ANKRD44: variants seen among roughly 807,000 people sequenced by gnomAD.
The protein encoded by ANKRD44 is ankyrin repeat domain 44.
ANKRD44 carries 35 observed loss-of-function variants against 116.0 expected under a neutral mutation model. The observed-to-expected ratio is 0.30, with a 90% CI of 0.23 to 0.40. The LOEUF (loss-of-function observed/expected upper bound fraction) is 0.40. Among genes scored for constraint, ANKRD44 ranks in the 10% least tolerant of loss-of-function variants. ANKRD44 has a pLI of 1.00. For synonymous variants in ANKRD44, 435 were observed against 461.8 expected (o/e 0.94, Z 0.74); for missense variants, 1,014 against 1,242.6 (o/e 0.82, Z 2.77).
intron 6 of ANKRD44, 32 bp downstream of exon 6, chr2:197,125,349 T>C (rs778837559): frequency 2.5e-6 from 4 of 1,587,514 alleles, no homozygotes; most frequent in Non-Finnish European, 3.5e-6. Context: ...TAAGGTTATC[T>C]GTACTTTGCT....
At chr2:197,132,817 C>G (rs1461383977) in intron 4 of ANKRD44, among the ~76,000 whole-genome samples, 1 of 152,020 alleles carries the variant, frequency 6.6e-6, no homozygotes, top group East Asian at 1.9e-4. Context: ...CAATTCTTTT[C>G]TAACTAGGCA....
At chr2:197,253,594 C>G (rs1446499530) in intron 1 of ANKRD44, among the ~76,000 whole-genome samples, 2 of 151,986 alleles carry the variant, frequency 1.3e-5, no homozygotes, top group East Asian at 3.8e-4. Flanking sequence ...TAAAAAGAAA[C>G]CTGTAAGAAC....
chr2:197,104,936 A>G (rs1288378292), intron 9 of ANKRD44, among the ~76,000 whole-genome samples: 1 of 152,184 alleles, frequency 6.6e-6, no homozygotes, highest in Admixed American at 6.5e-5. Flanking sequence ...TTGAAAATCA[A>G]CTTGCTGCCA....
rs2075952127 is a variant in ANKRD44, at chr2:196,993,161, A to G, written c.2923+422T>C. Among the ~76,000 whole-genome samples, 8 of 152,216 alleles carry G rather than the reference A, an allele frequency of 5.3e-5. 1 individual carries two copies. The highest frequency in any genetic ancestry group is 5.2e-4 in the Admixed American group (8 of 15,286). On this transcript the variant is annotated intron_variant, in intron 27 of 27. Transcript: ENST00000282272. ...TCTGATCTGTACTTAAAGAAAAAAA[A>G]AGTTTGATCTCAGAATGAACTTAAA... is the stretch of plus-strand genomic sequence containing the variant.
intron 16 of ANKRD44, among the ~76,000 whole-genome samples, chr2:197,066,202 C>G (rs2077429925): frequency 6.6e-6 from 1 of 152,218 alleles, no homozygotes; most frequent in East Asian, 1.9e-4. Flanking sequence ...ATGATTATCT[C>G]AATAGATGCA....
intron 19 of ANKRD44, 32 bp downstream of exon 19, chr2:197,008,910 ATG>A: frequency 1.9e-6 from 3 of 1,597,970 alleles, no homozygotes; most frequent in Non-Finnish European, 2.6e-6. Flanking sequence ...TGTGATTGAA[ATG>A]TCAACCCAAG....
intron 1 of ANKRD44, among the ~76,000 whole-genome samples, chr2:197,255,850 G>A (rs193206596): frequency 4.6e-5 from 7 of 152,346 alleles, no homozygotes; most frequent in Non-Finnish European, 7.3e-5. Flanking sequence ...AGGACCCTGC[G>A]CTTCATGTAA....
At chr2:197,024,569 G>A (rs1053819871) in intron 17 of ANKRD44, among the ~76,000 whole-genome samples, 16 of 152,220 alleles carry the variant, frequency 1.1e-4, no homozygotes, top group Non-Finnish European at 1.3e-4. Flanking sequence ...ATCACTCTGA[G>A]CTGTTGCATT....
intron 1 of ANKRD44, among the ~76,000 whole-genome samples, chr2:197,210,368 G>A (rs920903880): frequency 3.9e-5 from 6 of 152,096 alleles, no homozygotes; most frequent in African/African-American, 1.4e-4. Context: ...AACATCTTCC[G>A]TTTACAGATG....
At chr2:197,099,713 A>G (rs139129065) in intron 10 of ANKRD44, 103 bp downstream of exon 10, 1,764 of 1,504,068 alleles carry the variant, frequency 1.2e-3, no homozygotes, top group Admixed American at 1.7e-3. Context: ...GTATAGATCC[A>G]CCTTAACCTG....
chr2:197,115,036 A>G (rs2078675996), intron 8 of ANKRD44, among the ~76,000 whole-genome samples: 1 of 152,154 alleles, frequency 6.6e-6, no homozygotes, highest in Non-Finnish European at 1.5e-5. Flanking sequence ...AACACAACCT[A>G]TTCCATAATT....
intron 1 of ANKRD44, among the ~76,000 whole-genome samples, chr2:197,233,535 C>A (rs2081913343): frequency 6.6e-6 from 1 of 152,184 alleles, no homozygotes; most frequent in Non-Finnish European, 1.5e-5. Context: ...TATTTCATAT[C>A]ATGGCTTTTT....
intron 16 of ANKRD44, among the ~76,000 whole-genome samples, chr2:197,027,854 TA>T (rs1023995190): frequency 6.6e-6 from 1 of 151,568 alleles, no homozygotes; most frequent in Non-Finnish European, 1.5e-5. Context: ...GGCTAACTTT[TA>T]AAAAAAATTT....
At chr2:197,100,334 C>A (rs1461043634) in intron 9 of ANKRD44, among the ~76,000 whole-genome samples, 1 of 152,122 alleles carries the variant, frequency 6.6e-6, no homozygotes, top group African/African-American at 2.4e-5. Flanking sequence ...ACTCAGGAGG[C>A]TGAGGCAGGA....
chr2:197,294,981 T>C (rs1029533549), intron 1 of ANKRD44, among the ~76,000 whole-genome samples: 16 of 152,298 alleles, frequency 1.1e-4, no homozygotes, highest in African/African-American at 2.9e-4. Flanking sequence ...AAAAGGCAAG[T>C]GATTTAAAAT....
chr2:197,175,973 T>C lies in ANKRD44; in HGVS notation c.111+11050A>G, dbSNP rs568188010. Among the ~76,000 whole-genome samples, 4 of 152,220 alleles carry C rather than the reference T, an allele frequency of 2.6e-5. No individual in the cohort carries two copies. In the East Asian group the frequency reaches 7.7e-4, roughly 29 times the overall value. The stretch of plus-strand genomic sequence containing the variant: ...CACCACCTAATGCAGTTCCGGACAA[T>C]ATATAAGCAATTGTGTCCTTAGTGG... On this transcript the variant is annotated intron_variant, in intron 2 of 27. Coordinates refer to ENST00000282272, the MANE Select transcript of ANKRD44 (RefSeq NM_001195144.2).
At chr2:196,982,108 T>TTTTATATAAATATATATA (rs150861089), downstream of ANKRD44, among the ~76,000 whole-genome samples, 1 of 96,550 alleles carries the variant, frequency 1.0e-5, no homozygotes, top group Non-Finnish European at 2.1e-5. Context: ...CTAAAAAAAA[T>TTTTATATAAATATATATA]TATATATATA....
intron 1 of ANKRD44, among the ~76,000 whole-genome samples, chr2:197,292,061 A>G (rs2083585848): frequency 6.6e-6 from 1 of 152,084 alleles, no homozygotes; most frequent in Admixed American, 6.5e-5. Context: ...CATTTTCTTA[A>G]TCCAGTCTAT....
At chr2:197,110,691 T>A (rs2078544375) in intron 9 of ANKRD44, 75 bp downstream of exon 9, 1 of 1,197,930 alleles carries the variant, frequency 8.3e-7, no homozygotes, top group Non-Finnish European at 1.2e-6. Context: ...TCGACTTTCA[T>A]ATGCAGGTGA....
Sources: allele counts gnomAD v4.1 joint callset (sites outside exome capture counted in the v4.1 genomes callset), GRCh38; gene constraint gnomAD v4.1.1; transcripts MANE v1.5; gene names NCBI Gene and HGNC (gene_info 2026-07-23, HGNC 2026-07-21).